GRID2: variants seen among roughly 807,000 people sequenced by gnomAD.
GRID2 encodes the protein glutamate receptor ionotropic, delta-2.
A neutral mutation model predicts 114.8 loss-of-function variants in GRID2; 33 were observed. The observed-to-expected ratio is 0.29, with a 90% CI of 0.22 to 0.38. The LOEUF (loss-of-function observed/expected upper bound fraction) is 0.38. Ranked by LOEUF, GRID2 falls within the 10% of genes least tolerant of loss-of-function variation. The pLI is 1.00. For missense variants in GRID2, 1,184 were observed against 1,257.7 expected (o/e 0.94, Z 0.89); for synonymous variants, 505 against 449.9 (o/e 1.12, Z -1.55).
At chr4:92,472,027 G>T (rs1318036866) in intron 1 of GRID2, among the ~76,000 whole-genome samples, 1 of 61,240 alleles carries the variant, frequency 1.6e-5, no homozygotes, top group East Asian at 4.0e-4. Context: ...TCCGCCTCCC[G>T]GGTTCACGCC....
At chr4:93,747,451 A>G (rs1731938376) in intron 14 of GRID2, among the ~76,000 whole-genome samples, 1 of 152,098 alleles carries the variant, frequency 6.6e-6, no homozygotes, top group Non-Finnish European at 1.5e-5. Flanking sequence ...GCTTGTGGAG[A>G]GAAAGACCAT....
chr4:92,612,334 GC>G (rs1358894951), intron 2 of GRID2, among the ~76,000 whole-genome samples: 2 of 151,332 alleles, frequency 1.3e-5, no homozygotes, highest in African/African-American at 4.8e-5. Flanking sequence ...CTGTCTTTAT[GC>G]TAGTACCATA....
chr4:93,156,609 A>G (rs892585463), intron 4 of GRID2, among the ~76,000 whole-genome samples: 2 of 151,716 alleles, frequency 1.3e-5, no homozygotes, highest in African/African-American at 2.4e-5. Context: ...GACTGGATAT[A>G]ATAGACTTAT....
chr4:93,584,904 T>C (rs1325691199), intron 13 of GRID2, among the ~76,000 whole-genome samples: 1 of 152,080 alleles, frequency 6.6e-6, no homozygotes, highest in Non-Finnish European at 1.5e-5. Context: ...AAAATTGCCC[T>C]TGATTGATGA....
chr4:92,928,465 G>A (rs1446757080), intron 2 of GRID2, among the ~76,000 whole-genome samples: 1 of 151,502 alleles, frequency 6.6e-6, no homozygotes, highest in East Asian at 1.9e-4. Context: ...CATACACGGA[G>A]AATTAAATAC....
At chr4:93,194,135 C>T (rs1282278525) in intron 4 of GRID2, among the ~76,000 whole-genome samples, 1 of 152,018 alleles carries the variant, frequency 6.6e-6, no homozygotes, top group African/African-American at 2.4e-5. Flanking sequence ...CAGTGGAATC[C>T]AATGATGTAT....
chr4:93,139,252 C>T (rs1378267162), intron 4 of GRID2, among the ~76,000 whole-genome samples: 1 of 152,102 alleles, frequency 6.6e-6, no homozygotes, highest in Non-Finnish European at 1.5e-5. Context: ...TATCTGAAAC[C>T]AGAAGGAAAG....
chr4:93,498,650 C>T (rs1397838821), intron 12 of GRID2, among the ~76,000 whole-genome samples: 3 of 151,708 alleles, frequency 2.0e-5, no homozygotes. Flanking sequence ...TTACTAAGCT[C>T]CTTTATTAGT....
chr4:92,322,806 C>T (rs545838619), intron 1 of GRID2, among the ~76,000 whole-genome samples: 8 of 152,176 alleles, frequency 5.3e-5, no homozygotes, highest in Middle Eastern at 3.4e-3. Flanking sequence ...TTTGTTTTGG[C>T]TATGTTTTAT....
intron 1 of GRID2, among the ~76,000 whole-genome samples, chr4:92,545,179 T>C (rs942731301): frequency 8.6e-5 from 13 of 151,014 alleles, no homozygotes; most frequent in African/African-American, 3.2e-4. Flanking sequence ...TGAAAACCTA[T>C]TTTCAATTTG....
At chr4:92,394,032 G>C (rs1730376754) in intron 1 of GRID2, among the ~76,000 whole-genome samples, 1 of 152,046 alleles carries the variant, frequency 6.6e-6, no homozygotes, top group South Asian at 2.1e-4. Context: ...CTAAGCAAAG[G>C]GTGATTTGGT....
At chr4:93,440,280 C>G (rs1409647341) in intron 10 of GRID2, among the ~76,000 whole-genome samples, 1 of 151,976 alleles carries the variant, frequency 6.6e-6, no homozygotes, top group African/African-American at 2.4e-5. Context: ...AACACACCTG[C>G]CAGTGACTGC....
intron 2 of GRID2, among the ~76,000 whole-genome samples, chr4:92,594,876 G>C (rs1163337518): frequency 1.1e-4 from 17 of 151,846 alleles, no homozygotes; most frequent in Non-Finnish European, 4.4e-5. Flanking sequence ...TATATTGTTA[G>C]CTCTTAGCTG....
intron 7 of GRID2, among the ~76,000 whole-genome samples, chr4:93,234,869 CCA>C (rs1746587793): frequency 6.6e-6 from 1 of 151,928 alleles, no homozygotes; most frequent in Non-Finnish European, 1.5e-5. Context: ...TCCTTGGTTA[CCA>C]CACACATCTG....
intron 1 of GRID2, among the ~76,000 whole-genome samples, chr4:92,305,459 G>A (rs1043541324): frequency 5.9e-5 from 9 of 152,164 alleles, no homozygotes; most frequent in Non-Finnish European, 1.2e-4. Context: ...GGGGCGCTTG[G>A]GAAACGCGGG....
At chr4:92,392,015 T>A (rs1027836899) in intron 1 of GRID2, among the ~76,000 whole-genome samples, 3 of 152,156 alleles carry the variant, frequency 2.0e-5, no homozygotes, top group African/African-American at 7.2e-5. Context: ...TTTGAAAAAA[T>A]CCACAGTATT....
chr4:92,649,751 T>C (rs966669957), intron 2 of GRID2, among the ~76,000 whole-genome samples: 11 of 152,020 alleles, frequency 7.2e-5, no homozygotes, highest in Admixed American at 1.3e-4. Context: ...GAACTAATTC[T>C]TTCCTCTGAA....
chr4:93,237,447 G>A (rs1054872584), intron 7 of GRID2, among the ~76,000 whole-genome samples: 10 of 151,788 alleles, frequency 6.6e-5, no homozygotes, highest in African/African-American at 2.2e-4. Context: ...GACTGGAAAC[G>A]GAGTTGCAGG....
At chr4:92,426,697 T>G (rs761434160) in intron 1 of GRID2, among the ~76,000 whole-genome samples, 7 of 152,094 alleles carry the variant, frequency 4.6e-5, no homozygotes, top group Non-Finnish European at 8.8e-5. Flanking sequence ...TGAAAAACTG[T>G]TTATTATATA....
Sources: gnomAD v4.1 joint callset for allele counts (sites outside exome capture counted in the v4.1 genomes callset) on GRCh38, gnomAD v4.1.1 for gene constraint, MANE v1.5 for transcripts, NCBI Gene and HGNC (gene_info 2026-07-23, HGNC 2026-07-21) for gene names.